SELENOF: variants seen among roughly 807,000 people sequenced by gnomAD.
SELENOF encodes the protein 15 kDa selenoprotein.
Under a neutral mutation model 20.5 loss-of-function variants are expected in SELENOF, and 16 were observed. The observed-to-expected ratio is 0.78, with a 90% CI of 0.53 to 1.19. The LOEUF (loss-of-function observed/expected upper bound fraction) is 1.19. Ranked by LOEUF, SELENOF falls within the 50% of genes most tolerant of loss-of-function variation. The pLI, the probability that SELENOF is intolerant of heterozygous loss-of-function variation, is 0.00. For missense variants in SELENOF, 215 were observed against 194.2 expected, an observed-to-expected ratio of 1.11 and a Z score of -0.64; for synonymous variants, 78 against 74.5, an observed-to-expected ratio of 1.05 and a Z score of -0.24.
Position 86,863,384 on chromosome 1 carries a change from T to C in SELENOF, c.*90A>G, listed in dbSNP as rs1216540408. The C allele has an allele frequency of 1.3e-5, 15 of 1,130,560 alleles. No homozygotes were observed. The highest frequency in any genetic ancestry group is 1.8e-5 in the Non-Finnish European group (14 of 795,800). 70.0% of individuals were successfully genotyped at this position (1,130,560 alleles called of 1,614,324 possible). On this transcript the variant is annotated 3_prime_UTR_variant, in exon 5 of 5. Coordinates refer to ENST00000331835, the MANE Select transcript of SELENOF (RefSeq NM_004261.5). ...ATGCCTCAAGTAAAAGACTGATCAA[T>C]GGAAGCAAGCAAAACTAAATTATTT...
intron 1 of SELENOF, among the ~76,000 whole-genome samples, chr1:86,909,645 A>C (rs1570410221): frequency 6.6e-6 from 1 of 151,728 alleles, no homozygotes; most frequent in South Asian, 2.1e-4. Context: ...GAGGGATACT[A>C]ACACACACAC....
chr1:86,863,341 G>T lies in SELENOF; in HGVS notation c.*133C>A. ...ATCATGGACTATACTGCCATTTCAC[G>T]ATTTAATTAGATATTTAATGCCTCA... is the stretch of plus-strand genomic sequence containing the variant. On this transcript the variant is annotated 3_prime_UTR_variant, in exon 5 of 5. Transcript: ENST00000331835. 2 of 743,028 alleles carry T rather than the reference G, an allele frequency of 2.7e-6. No individual in the cohort carries two copies. Among genetic ancestry groups the T allele is most frequent in the Non-Finnish European group, 4.2e-6 (2 of 481,052 alleles). The allele number at this position is 743,028 out of a possible 1,614,324, so 46.0% of individuals were successfully genotyped here.
chr1:86,912,037 G>A (rs1240576721), intron 1 of SELENOF, among the ~76,000 whole-genome samples: 1 of 152,256 alleles, frequency 6.6e-6, no homozygotes, highest in South Asian at 2.1e-4. Context: ...CTCCCAAAGT[G>A]CACTGGAATG....
chr1:86,880,519 A>G (rs1659040661), intron 3 of SELENOF, 143 bp downstream of exon 3: 2 of 507,462 alleles, frequency 3.9e-6, no homozygotes, highest in African/African-American at 4.3e-5. Context: ...CACTTCCATG[A>G]AAACAAATTG....
chr1:86,905,539 A>G (rs900369116), intron 1 of SELENOF, among the ~76,000 whole-genome samples: 2 of 152,206 alleles, frequency 1.3e-5, no homozygotes, highest in Non-Finnish European at 2.9e-5. Context: ...CACAGTTGTA[A>G]AACAGTACCG....
intron 3 of SELENOF, among the ~76,000 whole-genome samples, chr1:86,873,811 T>C (rs1370092116): frequency 6.8e-6 from 1 of 147,892 alleles, no homozygotes; most frequent in Non-Finnish European, 1.5e-5. Context: ...AAGATTGCGC[T>C]GTCGCACTCC....
At chr1:86,888,704 C>A (rs905632557) in intron 2 of SELENOF, among the ~76,000 whole-genome samples, 1 of 152,250 alleles carries the variant, frequency 6.6e-6, no homozygotes, top group Non-Finnish European at 1.5e-5. Context: ...GCTCCCATTG[C>A]GCAAGCTAGA....
At chr1:86,884,750 C>T (rs1659170510) in intron 2 of SELENOF, among the ~76,000 whole-genome samples, 1 of 152,154 alleles carries the variant, frequency 6.6e-6, no homozygotes, top group Admixed American at 6.5e-5. Context: ...AGTCATATAA[C>T]TTCTAACAGC....
chr1:86,892,611 G>C (rs1262023507), intron 2 of SELENOF, among the ~76,000 whole-genome samples: 2 of 152,186 alleles, frequency 1.3e-5, no homozygotes, highest in African/African-American at 4.8e-5. Context: ...TGTTTAAGCT[G>C]ACTTATGAGT....
At chr1:86,893,965 A>G (rs1000229873) in intron 2 of SELENOF, among the ~76,000 whole-genome samples, 22 of 152,212 alleles carry the variant, frequency 1.4e-4, no homozygotes, top group African/African-American at 5.3e-4. Flanking sequence ...TATTGAAGAT[A>G]AGTGTTTTTA....
chr1:86,899,717 G>A (rs1446234686), intron 2 of SELENOF, among the ~76,000 whole-genome samples: 6 of 151,900 alleles, frequency 3.9e-5, no homozygotes, highest in Non-Finnish European at 8.8e-5. Flanking sequence ...CGGACAGGGC[G>A]GCTGCTGGGC....
rs1423154469 is a variant in SELENOF at position 86,887,874 on chromosome 1, G to A, written c.253-7149C>T. The stretch of plus-strand genomic sequence containing the variant: ...TGCATTCAGTTCTGCCAATACTTAG[G>A]AAATATCACATGATGAAAAAAAAAG... On this transcript the variant is annotated intron_variant, in intron 2 of 4. Transcript: ENST00000331835. 3.9e-5 allele frequency among the ~76,000 whole-genome samples: 6 copies of A among 151,956 alleles called. No homozygotes were observed. The East Asian group carries it at 1.2e-3, about 29-fold the overall frequency.
intron 2 of SELENOF, among the ~76,000 whole-genome samples, chr1:86,897,807 T>C (rs1659564651): frequency 6.6e-6 from 1 of 152,240 alleles, no homozygotes; most frequent in Non-Finnish European, 1.5e-5. Context: ...AAAAAGAGGC[T>C]GCAAGAGCCT....
chr1:86,887,170 T>C, intron 2 of SELENOF: 2 of 1,543,008 alleles, frequency 1.3e-6, no homozygotes, highest in Non-Finnish European at 1.7e-6. Flanking sequence ...AGTGATGGCA[T>C]TCTTGCTTAG....
In SELENOF at chr1:86,863,170, G is replaced by T; in HGVS notation, c.*304C>A. The T allele has an allele frequency of 8.7e-6, 2 of 230,350 alleles. No individual in the cohort carries two copies. Among genetic ancestry groups the T allele is most frequent in the Non-Finnish European group, 1.7e-5 (2 of 118,084 alleles). The allele number at this position is 230,350 out of a possible 1,614,324, so 14.3% of individuals were successfully genotyped here. A position where few individuals can be genotyped will look rare whatever the true frequency, so the allele number is the denominator to read the frequency against. ...TCTCTAATTTAGAAATCTGTTGTTC[G>T]TAAAACTGGACCAATTATCACAAAC... On this transcript the variant is annotated 3_prime_UTR_variant, in exon 5 of 5. Transcript: ENST00000331835.
chr1:86,864,173 C>T (rs1363441364), intron 4 of SELENOF, among the ~76,000 whole-genome samples: 1 of 152,158 alleles, frequency 6.6e-6, no homozygotes, highest in Non-Finnish European at 1.5e-5. Flanking sequence ...AATTTGCAGA[C>T]ACAGAATCAA....
chr1:86,889,105 T>C (rs551765951), intron 2 of SELENOF, among the ~76,000 whole-genome samples: 6 of 152,076 alleles, frequency 3.9e-5, no homozygotes, highest in South Asian at 4.2e-4. Flanking sequence ...GTTTCAATAT[T>C]ATACAAAATT....
chr1:86,874,725 A>G (rs1250287421), intron 3 of SELENOF, among the ~76,000 whole-genome samples: 1 of 152,198 alleles, frequency 6.6e-6, no homozygotes, highest in Non-Finnish European at 1.5e-5. Flanking sequence ...CAAAATCACA[A>G]ACACGTGAAA....
intron 3 of SELENOF, among the ~76,000 whole-genome samples, chr1:86,873,640 C>T (rs981624991): frequency 6.6e-6 from 1 of 152,022 alleles, no homozygotes; most frequent in African/African-American, 2.4e-5. Flanking sequence ...CACCTGAGGT[C>T]GAGAGTTCGA....
Sources: allele counts gnomAD v4.1 joint callset (sites outside exome capture counted in the v4.1 genomes callset), GRCh38; gene constraint gnomAD v4.1.1; transcripts MANE v1.5; gene names NCBI Gene and HGNC (gene_info 2026-07-23, HGNC 2026-07-21).